Variants in PYGB observed in about 807,000 individuals in gnomAD.
PYGB encodes glycogen phosphorylase B.
In PYGB, 82 loss-of-function variants were observed where a neutral mutation model predicts 94.3. The observed-to-expected ratio is 0.87, with a 90% CI of 0.73 to 1.04. PYGB has a LOEUF of 1.04. Ranked by LOEUF, PYGB falls within the 50% of genes least tolerant of loss-of-function variation. PYGB has a pLI of 0.00. For missense variants in PYGB, 1,132 were observed against 1,158.2 expected, an observed-to-expected ratio of 0.98 and a Z score of 0.33; for synonymous variants, 488 against 479.1, an observed-to-expected ratio of 1.02 and a Z score of -0.24.
Position 25,288,512 on chromosome 20 carries a change from G to C in PYGB, c.1827+29G>C, listed in dbSNP as rs766929003. 21 of 1,610,572 alleles carry C rather than the reference G, an allele frequency of 1.3e-5. No individual in the cohort carries two copies. The South Asian group carries it at 2.2e-4, about 17-fold the overall frequency. On this transcript the variant is annotated intron_variant, in intron 15 of 19. Coordinates refer to ENST00000216962, the MANE Select transcript of PYGB (RefSeq NM_002862.4). Reference sequence around the variant, plus strand: ...AGTGACTTCCTCTGCAGTCCTCTCTGTGGTGTTTGGTCTGGGGATAGTGGG... The same window carrying C: ...AGTGACTTCCTCTGCAGTCCTCTCTCTGGTGTTTGGTCTGGGGATAGTGGG...
chr20:25,273,806 C>T (rs991961373), intron 4 of PYGB, among the ~76,000 whole-genome samples: 1 of 152,238 alleles, frequency 6.6e-6, no homozygotes, highest in Non-Finnish European at 1.5e-5. Flanking sequence ...GGCCCCAGCA[C>T]TTGCGGATTT....
chr20:25,277,554 T>C (rs1266950982), intron 7 of PYGB, among the ~76,000 whole-genome samples: 1 of 152,018 alleles, frequency 6.6e-6, no homozygotes, highest in Non-Finnish European at 1.5e-5. Context: ...AGCTCTGTGG[T>C]CCTCTCTCCG....
intron 4 of PYGB, among the ~76,000 whole-genome samples, chr20:25,272,454 G>A (rs936374913): frequency 7.2e-5 from 11 of 152,220 alleles, no homozygotes; most frequent in African/African-American, 2.7e-4. Context: ...TCCATGACAC[G>A]CACAGCGATG....
intron 4 of PYGB, among the ~76,000 whole-genome samples, chr20:25,273,009 T>C (rs2088280629): frequency 1.3e-5 from 2 of 152,222 alleles, no homozygotes; most frequent in African/African-American, 4.8e-5. Flanking sequence ...GGATGATCAG[T>C]AAGTGAAGCT....
chr20:25,249,850 ATTT>A (rs5841051), intron 1 of PYGB, among the ~76,000 whole-genome samples: 5 of 144,298 alleles, frequency 3.5e-5, no homozygotes, highest in Admixed American at 2.8e-4. Context: ...GCACAGCACC[ATTT>A]TTTTTTTTTT....
chr20:25,294,607 C>G, intron 18 of PYGB: 1 of 543,064 alleles, frequency 1.8e-6, no homozygotes, highest in Non-Finnish European at 3.3e-6. Context: ...CAGCCGTGTC[C>G]CAGCAGGCCA....
chr20:25,284,186 TG>T lies in PYGB; in HGVS notation c.1704del (p.Lys569ArgfsTer37), dbSNP rs1233850843. The T allele has an allele frequency of 6.2e-7, 1 of 1,613,978 alleles. No homozygotes were observed. Among genetic ancestry groups the T allele is most frequent in the Non-Finnish European group, 8.5e-7 (1 of 1,179,984 alleles). ...CCCTCCTCCATGTTCGATGTGCATG[TG>T]AAGAGGATCCACGAGTACAAGCGGC... is the stretch of plus-strand genomic sequence containing the variant. ...INPSSMFDVH[V>X]KRIHEYKRQL... On this transcript the variant is annotated frameshift_variant, in exon 14 of 20. Coordinates refer to ENST00000216962, the MANE Select transcript of PYGB (RefSeq NM_002862.4). LOFTEE classifies it high-confidence loss of function.
rs778924522 is a variant in PYGB at position 25,248,197 on chromosome 20, G to T, written c.19G>T (p.Asp7Tyr). 31 of 1,591,578 alleles carry T rather than the reference G, an allele frequency of 1.9e-5. No homozygotes were observed. In the Admixed American group the frequency reaches 2.6e-4, roughly 13 times the overall value. MAKPLTDSEKRKQISVR... is the reference protein window; with the variant it reads MAKPLTYSEKRKQISVR... ...CGGCGCGATGGCGAAGCCGCTGACG[G>T]ACAGCGAGAAGCGGAAGCAGATCAG... Residue 7 changes from aspartate (D) to tyrosine (Y), a missense_variant, in exon 1 of 20, where the codon GAC becomes TAC. Physicochemically the swap from Asp to Tyr is radical, Grantham distance 160 (BLOSUM62 -3). Coordinates refer to ENST00000216962, the MANE Select transcript of PYGB (RefSeq NM_002862.4).
rs2088554460 is a variant in PYGB at position 25,296,827 on chromosome 20, C to T, written c.*305C>T. 1 of 385,472 alleles carries T rather than the reference C, an allele frequency of 2.6e-6. No homozygotes were observed. The highest frequency in any genetic ancestry group is 3.0e-5 in the South Asian group (1 of 32,882). The allele number at this position is 385,472 out of a possible 1,614,324, so 23.9% of individuals were successfully genotyped here. A position where few individuals can be genotyped will look rare whatever the true frequency, so the allele number is the denominator to read the frequency against. Reference sequence around the variant, plus strand: ...GTCAGGTGGAGCCACCTGCTGGGCTCCCCCAGAACTTTGCACACATCTTGC... The same window carrying T: ...GTCAGGTGGAGCCACCTGCTGGGCTTCCCCAGAACTTTGCACACATCTTGC... On this transcript the variant is annotated 3_prime_UTR_variant, in exon 20 of 20. Coordinates refer to ENST00000216962, the MANE Select transcript of PYGB (RefSeq NM_002862.4).
Position 25,276,677 on chromosome 20 carries a change from T to C in PYGB, c.692T>C (p.Val231Ala). ...VVLAMPYDTP[V>A]PGYKNNTVNT... ...CTGGCCATGCCCTACGACACCCCAG[T>C]GCCCGGCTACAAGAACAACACCGTC... is the stretch of plus-strand genomic sequence containing the variant. The change falls in exon 6 of 20, where the codon GTG becomes GCG. Residue 231 changes from valine (V) to alanine (A), a missense_variant. Coordinates refer to ENST00000216962, the MANE Select transcript of PYGB (RefSeq NM_002862.4). The C allele has an allele frequency of 6.2e-7, 1 of 1,613,888 alleles. No homozygotes were observed. Among genetic ancestry groups the C allele is most frequent in the East Asian group, 2.2e-5 (1 of 44,864 alleles).
rs200231614 is a variant in PYGB, at chr20:25,278,505, G to A, written c.999+43G>A. 94 of 1,607,238 alleles carry A rather than the reference G, an allele frequency of 5.8e-5. No homozygotes were observed. In the African/African-American group the frequency reaches 1.1e-3, roughly 20 times the overall value. On this transcript the variant is annotated intron_variant, in intron 8 of 19. Coordinates refer to ENST00000216962, the MANE Select transcript of PYGB (RefSeq NM_002862.4). ...GAGGGATCTCAGTGCCAGGGGCTGG[G>A]CGCCTTCAGGCTCTTGAGGTTGCTT...
At position 25,292,575 on chromosome 20, in the gene PYGB, C is replaced by T. The variant is rs200378729; in HGVS notation, c.2139C>T (p.Gly713=). ...EAGAENLFIF[G]LRVEDVEALD... is the part of the protein sequence containing the mutation. ...GGGCCGAGAACCTCTTCATCTTCGG[C>T]CTGCGGGTGGAGGATGTCGAGGCCT... Residue 713 remains glycine (G), a synonymous_variant, in exon 17 of 20, where the codon GGC becomes GGT. Coordinates refer to ENST00000216962, the MANE Select transcript of PYGB (RefSeq NM_002862.4). 1.2e-5 allele frequency: 19 copies of T among 1,612,846 alleles called. No individual in the cohort carries two copies. The highest frequency in any genetic ancestry group is 1.6e-4 in the Middle Eastern group (1 of 6,082).
chr20:25,261,238 G>T (rs1007963715), intron 2 of PYGB, among the ~76,000 whole-genome samples: 5 of 152,220 alleles, frequency 3.3e-5, no homozygotes, highest in African/African-American at 9.6e-5. Context: ...CCCAGTAGGG[G>T]CCGACTGACA....
intron 9 of PYGB, 99 bp downstream of exon 9, chr20:25,279,248 G>C: frequency 7.8e-7 from 1 of 1,282,670 alleles, no homozygotes; most frequent in East Asian, 2.5e-5. Context: ...CCCTGGCCTT[G>C]GGAGAGCTGT....
intron 3 of PYGB, among the ~76,000 whole-genome samples, chr20:25,270,007 C>T (rs2088251786): frequency 6.6e-6 from 1 of 152,152 alleles, no homozygotes; most frequent in Non-Finnish European, 1.5e-5. Context: ...ACTGAGCCCG[C>T]CATGGCTTGA....
chr20:25,275,470 C>T (rs2424698), intron 5 of PYGB, among the ~76,000 whole-genome samples: 57,714 of 152,104 alleles, frequency 0.38, 12,572 homozygotes, highest in East Asian at 0.92. Flanking sequence ...TGGAGAAGGA[C>T]GGGCAATAAC....
chr20:25,254,300 C>T (rs1600719812), intron 1 of PYGB, among the ~76,000 whole-genome samples: 1 of 152,180 alleles, frequency 6.6e-6, no homozygotes, highest in Admixed American at 6.5e-5. Context: ...GTAAAAAATA[C>T]AAATAAATAA....
chr20:25,248,581 C>T (rs1472274378), intron 1 of PYGB, among the ~76,000 whole-genome samples, 160 bp downstream of exon 1: 5 of 151,990 alleles, frequency 3.3e-5, no homozygotes, highest in African/African-American at 4.8e-5. Flanking sequence ...GCCTGGAAGC[C>T]GCAGTCGGCG....
chr20:25,254,573 A>G (rs914936151), intron 1 of PYGB, among the ~76,000 whole-genome samples: 2 of 152,218 alleles, frequency 1.3e-5, no homozygotes, highest in Non-Finnish European at 2.9e-5. Flanking sequence ...CAGTACCTTG[A>G]GTAGGAATGA....
Sources: gnomAD v4.1 joint callset for allele counts (sites outside exome capture counted in the v4.1 genomes callset) on GRCh38, gnomAD v4.1.1 for gene constraint, MANE v1.5 for transcripts, NCBI Gene and HGNC (gene_info 2026-07-23, HGNC 2026-07-21) for gene names.